CYBC1: variants seen among roughly 807,000 people sequenced by gnomAD.
CYBC1 encodes cytochrome b-245 chaperone 1, also known as essential for reactive oxygen species protein.
Under a neutral mutation model 21.7 loss-of-function variants are expected in CYBC1, and 22 were observed. That is an observed-to-expected ratio of 1.02 (90% CI 0.73 to 1.45). The LOEUF (loss-of-function observed/expected upper bound fraction) is 1.45. Ranked by LOEUF, CYBC1 falls within the 40% of genes most tolerant of loss-of-function variation. CYBC1 has a pLI of 0.00. For missense variants in CYBC1, 237 were observed against 242.1 expected (o/e 0.98, Z 0.14); for synonymous variants, 112 against 98.7 (o/e 1.13, Z -0.80).
intron 1 of CYBC1, chr17:82,450,477 C>T (rs992984298): frequency 2.0e-5 from 3 of 152,176 alleles, no homozygotes; most frequent in African/African-American, 7.2e-5. Flanking sequence ...CCGCTAGTCG[C>T]ACCGAGCGCT....
Position 82,443,747 on chromosome 17 carries a change from G to A in CYBC1, c.*257C>T, listed in dbSNP as rs754952328. On this transcript the variant is annotated 3_prime_UTR_variant, in exon 7 of 7. Coordinates refer to ENST00000306645, the MANE Select transcript of CYBC1 (RefSeq NM_001033046.4). The surrounding 1 kb of genome is among the most constrained non-coding windows in gnomAD (Gnocchi z 6.7). Reference sequence around the variant, plus strand: ...AGGCAATAGGCCAACTCGGCTGGAGGCACCAACTGAAGCCAAGGCCACGGG... The same window carrying A: ...AGGCAATAGGCCAACTCGGCTGGAGACACCAACTGAAGCCAAGGCCACGGG... 2.3e-6 allele frequency: 2 copies of A among 867,700 alleles called. No individual in the cohort carries two copies. Among genetic ancestry groups the A allele is most frequent in the Admixed American group, 3.4e-5 (2 of 59,124 alleles). 53.8% of individuals were successfully genotyped at this position (867,700 alleles called of 1,614,324 possible). A position where few individuals can be genotyped will look rare whatever the true frequency, so the allele number is the denominator to read the frequency against.
rs1192756843 is a variant in CYBC1 at position 82,443,707 on chromosome 17, A to G, written c.*297T>C. On this transcript the variant is annotated 3_prime_UTR_variant, in exon 7 of 7. Coordinates refer to ENST00000306645, the MANE Select transcript of CYBC1 (RefSeq NM_001033046.4). This position sits in a 1 kb window ranked among gnomAD's most constrained non-coding sequence, Gnocchi z 6.7. ...GGCCTGCTGTTTCATGCAGTGTGCA[A>G]GCAGCAGCATGAGCAGGCAATAGGC... 1.3e-6 allele frequency: 1 copy of G among 775,638 alleles called. No individual in the cohort carries two copies. The highest frequency in any genetic ancestry group is 1.7e-5 in the Admixed American group (1 of 59,036). The allele number at this position is 775,638 out of a possible 1,614,324, so 48.0% of individuals were successfully genotyped here. A position where few individuals can be genotyped will look rare whatever the true frequency, so the allele number is the denominator to read the frequency against.
Position 82,449,269 on chromosome 17 carries a change from A to C in CYBC1, c.-15T>G. On this transcript the variant is annotated 5_prime_UTR_variant, in exon 2 of 7. Transcript: ENST00000306645. ...TGCAGGTACATCCCGAGAGGGCAGC[A>C]CCACTCTCTACAGGAGGAGGGGTCT... The C allele has an allele frequency of 1.9e-6, 3 of 1,544,442 alleles. No homozygotes were observed.
chr17:82,444,430 A>G lies in CYBC1; in HGVS notation c.443+17T>C. On this transcript the variant is annotated intron_variant, in intron 6 of 6. Transcript: ENST00000306645. ...TACGGCTGCAGCTCCGGCCAGATCA[A>G]AGTCCCACAGCCTTACCTGCGGTGG... The G allele has an allele frequency of 6.3e-7, 1 of 1,593,198 alleles. No individual in the cohort carries two copies. Among genetic ancestry groups the G allele is most frequent in the Non-Finnish European group, 8.6e-7 (1 of 1,165,422 alleles).
At chr17:82,444,323 C>G in intron 6 of CYBC1, 124 bp downstream of exon 6, 1 of 1,461,896 alleles carries the variant, frequency 6.8e-7, no homozygotes, top group South Asian at 1.3e-5. Context: ...TTCCCGTGGG[C>G]CCCTCTGTGT....
rs566479078 is a variant in CYBC1 at position 82,443,575 on chromosome 17, C to T, written c.*429G>A. 56 of 702,856 alleles carry T rather than the reference C, an allele frequency of 8.0e-5. 1 individual carries two copies. The Middle Eastern group carries it at 9.4e-4, about 12-fold the overall frequency. The allele number at this position is 702,856 out of a possible 1,614,324, so 43.5% of individuals were successfully genotyped here. ...GCCTGGCCCCGCCTCTCCACTCGCC[C>T]GAGGTCTTGCTGTGGCCCAAAGCAG... On this transcript the variant is annotated 3_prime_UTR_variant, in exon 7 of 7. Coordinates refer to ENST00000306645, the MANE Select transcript of CYBC1 (RefSeq NM_001033046.4). The surrounding 1 kb of genome is among the most constrained non-coding windows in gnomAD (Gnocchi z 6.7).
chr17:82,448,039 G>A (rs2054413331), intron 2 of CYBC1: 1 of 277,234 alleles, frequency 3.6e-6, no homozygotes, highest in African/African-American at 2.3e-5. Flanking sequence ...AGCACGTGGT[G>A]AGGCCTGAAG....
Position 82,447,640 on chromosome 17 carries a change from T to C in CYBC1, c.86-19A>G. ...AAGATTCCTATGAAGAGAAAGTGAC[T>C]GCCTGCCTATTGATCCCGGTAAGAC... On this transcript the variant is annotated intron_variant, in intron 2 of 6. Transcript: ENST00000306645. The C allele has an allele frequency of 6.3e-7, 1 of 1,583,214 alleles. No homozygotes were observed.
chr17:82,447,552 T>C lies in CYBC1; in HGVS notation c.127+28A>G, dbSNP rs571865853. 9.0e-5 allele frequency: 41 copies of C among 456,570 alleles called. 1 individual carries two copies. The highest frequency in any genetic ancestry group is 2.4e-4 in the South Asian group (12 of 50,828). The allele number at this position is 456,570 out of a possible 1,614,324, so 28.3% of individuals were successfully genotyped here. On this transcript the variant is annotated intron_variant, in intron 3 of 6. Transcript: ENST00000306645. ...GTTTTCCAAACAGCTGAGACAGTCA[T>C]GGGGGGGTGGGGCGGGGGGTGCTTT...
chr17:82,442,846 G>A lies in CYBC1; in HGVS notation c.*1158C>T. On this transcript the variant is annotated 3_prime_UTR_variant, in exon 7 of 7. Transcript: ENST00000306645. The surrounding 1 kb of genome is among the most constrained non-coding windows in gnomAD (Gnocchi z 6.8). ...GGCTCACAGGGCCCAGGAGTCCCCAGCTCACAGGCCAGGGCATCAGGCCAG... is the reference window on the plus strand; with the variant it reads ...GGCTCACAGGGCCCAGGAGTCCCCAACTCACAGGCCAGGGCATCAGGCCAG... 2.2e-6 allele frequency: 1 copy of A among 450,436 alleles called. No homozygotes were observed. The highest frequency in any genetic ancestry group is 3.8e-5 in the South Asian group (1 of 26,306). The allele number at this position is 450,436 out of a possible 1,614,324, so 27.9% of individuals were successfully genotyped here.
At position 82,443,203 on chromosome 17, in the gene CYBC1, G is replaced by A. The variant is rs1028345036; in HGVS notation, c.*801C>T. 3 of 302,986 alleles carry A rather than the reference G, an allele frequency of 9.9e-6. No homozygotes were observed. Among genetic ancestry groups the A allele is most frequent in the South Asian group, 6.0e-5 (2 of 33,338 alleles). 18.8% of individuals were successfully genotyped at this position (302,986 alleles called of 1,614,324 possible). On this transcript the variant is annotated 3_prime_UTR_variant, in exon 7 of 7. Transcript: ENST00000306645. This position sits in a 1 kb window ranked among gnomAD's most constrained non-coding sequence, Gnocchi z 6.7. ...TGGGATTACTGGCATGAACCACTGCGCCCGGCTGGAGCTCCCGGTTTTTAA... is the reference window on the plus strand; with the variant it reads ...TGGGATTACTGGCATGAACCACTGCACCCGGCTGGAGCTCCCGGTTTTTAA...
intron 1 of CYBC1, 56 bp downstream of exon 1, chr17:82,450,644 G>C (rs1020144022): frequency 1.3e-5 from 2 of 152,112 alleles, no homozygotes; most frequent in Non-Finnish European, 2.9e-5. Flanking sequence ...AGGGTGCCGG[G>C]ACGCGCGGCA....
At position 82,445,972 on chromosome 17, in the gene CYBC1, C is replaced by T; in HGVS notation, c.202-12G>A. 1.2e-6 allele frequency: 2 copies of T among 1,611,366 alleles called. No homozygotes were observed. Among genetic ancestry groups the T allele is most frequent in the Non-Finnish European group, 1.7e-6 (2 of 1,178,206 alleles). On this transcript the variant is annotated splice_polypyrimidine_tract_variant and intron_variant, in intron 4 of 6. Coordinates refer to ENST00000306645, the MANE Select transcript of CYBC1 (RefSeq NM_001033046.4). ...TCGAAGATGGCTTCCTGGAAACCGA[C>T]ATGCACTGACCACCATGAACCTCCA...
At chr17:82,444,689 CTTGG>C in intron 5 of CYBC1, 98 bp from the exon 6 acceptor site, 1 of 1,449,440 alleles carries the variant, frequency 6.9e-7, no homozygotes, top group Non-Finnish European at 9.3e-7. Context: ...GACAGCCACA[CTTGG>C]TTGGCAGCAA....
At chr17:82,449,084 G>A in intron 2 of CYBC1, 86 bp downstream of exon 2, 1 of 1,074,578 alleles carries the variant, frequency 9.3e-7, no homozygotes, top group Non-Finnish European at 1.3e-6. Context: ...ATAGAAAAAA[G>A]AGAAAATATT....
rs1163249043 is a variant in CYBC1, at chr17:82,442,747, A to T, written c.*1257T>A. 1.4e-6 allele frequency: 1 copy of T among 724,864 alleles called. No individual in the cohort carries two copies. Among genetic ancestry groups the T allele is most frequent in the Non-Finnish European group, 2.2e-6 (1 of 453,142 alleles). The allele number at this position is 724,864 out of a possible 1,614,324, so 44.9% of individuals were successfully genotyped here. ...TCCCATCTCTCTCCTGTCGGCTTTC[A>T]CCGAGGTCACAGCCAGACGTGGGGC... is the stretch of plus-strand genomic sequence containing the variant. On this transcript the variant is annotated 3_prime_UTR_variant, in exon 7 of 7. Coordinates refer to ENST00000306645, the MANE Select transcript of CYBC1 (RefSeq NM_001033046.4). This position sits in a 1 kb window ranked among gnomAD's most constrained non-coding sequence, Gnocchi z 6.8.
rs757706502 is a variant in CYBC1, at chr17:82,444,037, G to C, written c.531C>G (p.Asp177Glu). The C allele has an allele frequency of 8.7e-6, 14 of 1,613,286 alleles. No homozygotes were observed. The highest frequency in any genetic ancestry group is 1.7e-4 in the Middle Eastern group (1 of 5,954). The change falls in exon 7 of 7, where the codon GAC becomes GAG. Residue 177 changes from aspartate to glutamate, a missense_variant. Coordinates refer to ENST00000306645, the MANE Select transcript of CYBC1 (RefSeq NM_001033046.4). ...ESPTELSQSS[D>E]SEAGDPASQS ...GGCTTGCAGGGTCACCGGCCTCACT[G>C]TCGCTGCTCTGAGACAGCTCTGTGG... is the stretch of plus-strand genomic sequence containing the variant.
At chr17:82,444,242 T>C in intron 6 of CYBC1, 118 bp from the exon 7 acceptor site, 2 of 1,481,120 alleles carry the variant, frequency 1.4e-6, no homozygotes, top group South Asian at 1.3e-5. Context: ...GCTCCCAAAC[T>C]GGACCCAGCA....
In CYBC1 at chr17:82,444,013, G is replaced by C; in HGVS notation, c.555C>G (p.Ser185Arg). 1 of 1,612,748 alleles carries C rather than the reference G, an allele frequency of 6.2e-7. No individual in the cohort carries two copies. The highest frequency in any genetic ancestry group is 8.5e-7 in the Non-Finnish European group (1 of 1,179,978). Reference sequence around the variant, plus strand: ...AGGCACAGTGGGGCTGTCAGCTCTGGCTTGCAGGGTCACCGGCCTCACTGT... The same window carrying C: ...AGGCACAGTGGGGCTGTCAGCTCTGCCTTGCAGGGTCACCGGCCTCACTGT... ...SSDSEAGDPA[S>R]QS Residue 185 changes from serine (S) to arginine (R), a missense_variant, in exon 7 of 7, where the codon AGC becomes AGG. By Grantham distance (110) the Ser-to-Arg change is moderately radical. Coordinates refer to ENST00000306645, the MANE Select transcript of CYBC1 (RefSeq NM_001033046.4).
Sources: allele counts gnomAD v4.1 joint callset, GRCh38; gene constraint gnomAD v4.1.1; non-coding constraint Gnocchi (gnomAD v3.1); transcripts MANE v1.5; gene names NCBI Gene and HGNC (gene_info 2026-07-23, HGNC 2026-07-21).